PKP4: variants seen among roughly 807,000 people sequenced by gnomAD.
PKP4 encodes the protein plakophilin 4.
In PKP4, 90 loss-of-function variants were observed where a neutral mutation model predicts 145.1. The ratio of observed to expected loss-of-function variants is 0.62; its 90% CI spans 0.52 to 0.74. The LOEUF (loss-of-function observed/expected upper bound fraction) is 0.74, where lower values mean the gene tolerates loss of function less well. Ranked by LOEUF, PKP4 falls within the 30% of genes least tolerant of loss-of-function variation. PKP4 has a pLI of 0.00. For synonymous variants in PKP4, 563 were observed against 577.2 expected, an observed-to-expected ratio of 0.98 and a Z score of 0.35; for missense variants, 1,340 against 1,482.7, an observed-to-expected ratio of 0.90 and a Z score of 1.58.
intron 4 of PKP4, among the ~76,000 whole-genome samples, chr2:158,608,813 T>C (rs1337384104): frequency 7.5e-6 from 1 of 133,740 alleles, no homozygotes; most frequent in African/African-American, 2.8e-5. Flanking sequence ...TCTTTCTTTT[T>C]TTTTTTTTTT....
At chr2:158,603,644 G>A (rs1020760768) in intron 4 of PKP4, among the ~76,000 whole-genome samples, 6 of 151,982 alleles carry the variant, frequency 3.9e-5, no homozygotes, top group Non-Finnish European at 5.9e-5. Context: ...TACATAAATC[G>A]TTGATGTCTT....
intron 10 of PKP4, 125 bp downstream of exon 10, chr2:158,640,884 A>G: frequency 1.0e-6 from 1 of 973,038 alleles, no homozygotes; most frequent in Non-Finnish European, 1.6e-6. Context: ...ATATTTTGAT[A>G]CCAGATACTC....
chr2:158,676,207 T>C (rs1247170614), intron 19 of PKP4, among the ~76,000 whole-genome samples: 1 of 152,234 alleles, frequency 6.6e-6, no homozygotes, highest in African/African-American at 2.4e-5. Context: ...ATAGAATGGG[T>C]GCTTTTATTC....
intron 1 of PKP4, among the ~76,000 whole-genome samples, chr2:158,532,905 T>C (rs1397544606): frequency 6.6e-6 from 1 of 152,252 alleles, no homozygotes; most frequent in Non-Finnish European, 1.5e-5. Flanking sequence ...AACATTCTTC[T>C]CATGTCAGTT....
intron 9 of PKP4, among the ~76,000 whole-genome samples, chr2:158,634,851 A>T (rs2053673347): frequency 1.3e-5 from 2 of 151,622 alleles, no homozygotes; most frequent in African/African-American, 2.4e-5. Flanking sequence ...GGCAAATCAT[A>T]GACGTTTCCT....
chr2:158,515,383 T>A (rs2041852087), intron 1 of PKP4, among the ~76,000 whole-genome samples: 1 of 152,064 alleles, frequency 6.6e-6, no homozygotes, highest in East Asian at 1.9e-4. Flanking sequence ...TACTTGAGAG[T>A]CTGAGGGCTC....
At chr2:158,465,924 T>A (rs1573930629) in intron 1 of PKP4, among the ~76,000 whole-genome samples, 1 of 152,348 alleles carries the variant, frequency 6.6e-6, no homozygotes, top group East Asian at 1.9e-4. Context: ...TGTCAACAGA[T>A]GAAAAATAAG....
chr2:158,656,353 G>A (rs1471094878), intron 11 of PKP4, among the ~76,000 whole-genome samples: 7 of 61,768 alleles, frequency 1.1e-4, no homozygotes, highest in Non-Finnish European at 2.0e-4. Flanking sequence ...CCCATAATGC[G>A]TGCTGCCTTC....
At chr2:158,574,810 C>T (rs1040790353) in intron 2 of PKP4, among the ~76,000 whole-genome samples, 31 of 152,102 alleles carry the variant, frequency 2.0e-4, no homozygotes, top group African/African-American at 6.8e-4. Context: ...GTATTATGGG[C>T]TCTGCATCCA....
At chr2:158,633,563 T>G (rs1459066383) in intron 8 of PKP4, among the ~76,000 whole-genome samples, 2 of 152,212 alleles carry the variant, frequency 1.3e-5, no homozygotes, top group African/African-American at 4.8e-5. Flanking sequence ...AATTTTCCAT[T>G]TGATATTTTT....
intron 3 of PKP4, among the ~76,000 whole-genome samples, chr2:158,601,681 G>C (rs1476340154): frequency 6.6e-6 from 1 of 152,138 alleles, no homozygotes; most frequent in Non-Finnish European, 1.5e-5. Context: ...CACTTGCTGG[G>C]AGAAGGTCAC....
At position 158,642,776 on chromosome 2, in the gene PKP4, T is replaced by C. The variant is rs2301986; in HGVS notation, c.1909+77T>C. On this transcript the variant is annotated intron_variant, in intron 11 of 21. Transcript: ENST00000389759. Reference sequence around the variant, plus strand: ...ACTGTGCCCTTGTATAGTGGCACTATGGAAGAGTTGGAGGTTCCAGGTAAT... The same window carrying C: ...ACTGTGCCCTTGTATAGTGGCACTACGGAAGAGTTGGAGGTTCCAGGTAAT... 18,341 of 1,031,248 alleles carry C rather than the reference T, an allele frequency of 0.018. 912 individuals carry two copies. The East Asian group carries it at 0.19, about 11-fold the overall frequency. The allele number at this position is 1,031,248 out of a possible 1,614,324, so 63.9% of individuals were successfully genotyped here.
At chr2:158,602,583 T>G (rs2050317004) in intron 3 of PKP4, among the ~76,000 whole-genome samples, 1 of 152,208 alleles carries the variant, frequency 6.6e-6, no homozygotes, top group Non-Finnish European at 1.5e-5. Context: ...TTATAGGACC[T>G]TATATTTTTG....
chr2:158,593,036 G>T (rs1245830258), intron 3 of PKP4, among the ~76,000 whole-genome samples: 1 of 152,000 alleles, frequency 6.6e-6, no homozygotes, highest in East Asian at 1.9e-4. Context: ...ACATATAGAT[G>T]CTTTTATGCA....
chr2:158,490,026 A>G (rs538823403), intron 1 of PKP4, among the ~76,000 whole-genome samples: 1 of 152,328 alleles, frequency 6.6e-6, no homozygotes, highest in South Asian at 2.1e-4. Context: ...CAATTAGGGG[A>G]AGTGTTATTC....
At chr2:158,673,349 G>T (rs187387469) in intron 17 of PKP4, among the ~76,000 whole-genome samples, 2 of 152,352 alleles carry the variant, frequency 1.3e-5, no homozygotes, top group Non-Finnish European at 2.9e-5. Context: ...CAAAGCCCCA[G>T]TGAGATCAGT....
At position 158,680,728 on chromosome 2, in the gene PKP4, G is replaced by T; in HGVS notation, c.*51G>T. The T allele has an allele frequency of 6.8e-7, 1 of 1,467,370 alleles. No homozygotes were observed. The highest frequency in any genetic ancestry group is 9.2e-7 in the Non-Finnish European group (1 of 1,089,260). 90.9% of individuals were successfully genotyped at this position (1,467,370 alleles called of 1,614,324 possible). On this transcript the variant is annotated 3_prime_UTR_variant, in exon 22 of 22. Transcript: ENST00000389759. ...CTTTCTTTCTAACCTTGTTCAGATT[G>T]AGGTGAAAAGTCCATCTTGCTGATT...
intron 9 of PKP4, among the ~76,000 whole-genome samples, chr2:158,637,659 T>C (rs1480931700): frequency 6.6e-6 from 1 of 152,218 alleles, no homozygotes; most frequent in Non-Finnish European, 1.5e-5. Context: ...TTCCCTCCTC[T>C]CAAGGATTAT....
intron 1 of PKP4, among the ~76,000 whole-genome samples, chr2:158,473,726 A>AAATAATATGT (rs760309950): frequency 6.6e-5 from 10 of 152,290 alleles, no homozygotes; most frequent in Admixed American, 3.3e-4. Context: ...CTGGGTGATG[A>AAATAATATGT]AATAATATGT....
Sources: gnomAD v4.1 joint callset for allele counts (sites outside exome capture counted in the v4.1 genomes callset) on GRCh38, gnomAD v4.1.1 for gene constraint, MANE v1.5 for transcripts, NCBI Gene and HGNC (gene_info 2026-07-23, HGNC 2026-07-21) for gene names.